MIA2: variants seen among roughly 807,000 people sequenced by gnomAD.
MIA2 encodes MIA SH3 domain ER export factor 2, also known as melanoma inhibitory activity protein 2.
In MIA2, 127 loss-of-function variants were observed where a neutral mutation model predicts 167.8. The ratio of observed to expected loss-of-function variants is 0.76; its 90% CI spans 0.66 to 0.88. The LOEUF is 0.88. MIA2 is among the 40% of genes least tolerant of loss of function. The pLI is 0.00. For synonymous variants in MIA2, 552 were observed against 541.9 expected, an observed-to-expected ratio of 1.02 and a Z score of -0.26; for missense variants, 1,690 against 1,624.7, an observed-to-expected ratio of 1.04 and a Z score of -0.69.
In MIA2 at chr14:39,293,362, A is replaced by G; in HGVS notation, c.2300A>G (p.His767Arg). The change falls in exon 11 of 29, where the codon CAT becomes CGT. Residue 767 changes from histidine (H) to arginine (R), a missense_variant. Transcript: ENST00000640607. ...EKELKEEKSK[H>R]SEQDELMADI... ...GAGTTAAAAGAAGAGAAATCCAAACATTCTGAACAAGATGAATTGGTAAGG... is the reference window on the plus strand; with the variant it reads ...GAGTTAAAAGAAGAGAAATCCAAACGTTCTGAACAAGATGAATTGGTAAGG... 1 of 1,593,022 alleles carries G rather than the reference A, an allele frequency of 6.3e-7. No individual in the cohort carries two copies. Among genetic ancestry groups the G allele is most frequent in the Non-Finnish European group, 8.6e-7 (1 of 1,163,418 alleles).
At chr14:39,320,001 A>G (rs1362493643) in intron 23 of MIA2, among the ~76,000 whole-genome samples, 1 of 152,148 alleles carries the variant, frequency 6.6e-6, no homozygotes, top group African/African-American at 2.4e-5. Flanking sequence ...TGAGAGTAAA[A>G]TTTCATTAAA....
chr14:39,305,927 C>G (rs976871839), intron 17 of MIA2, among the ~76,000 whole-genome samples: 1 of 117,112 alleles, frequency 8.5e-6, no homozygotes, highest in African/African-American at 3.0e-5. Flanking sequence ...CCAAGCGAGA[C>G]TTTGTCTCAA....
chr14:39,240,652 G>A lies in MIA2; in HGVS notation c.336+5G>A. Reference sequence around the variant, plus strand: ...GAAATTCAGATGTCAACGAAAGTGAGTAAACTCATTCTCAGTTGTTAATTG... The same window carrying A: ...GAAATTCAGATGTCAACGAAAGTGAATAAACTCATTCTCAGTTGTTAATTG... On this transcript the variant is annotated splice_donor_5th_base_variant and intron_variant, in intron 3 of 28. Transcript: ENST00000640607. The A allele has an allele frequency of 3.1e-6, 5 of 1,597,068 alleles. No individual in the cohort carries two copies. The highest frequency in any genetic ancestry group is 1.3e-5 in the African/African-American group (1 of 74,716).
At chr14:39,342,016 T>TA (rs201823663) in intron 25 of MIA2, among the ~76,000 whole-genome samples, 4 of 151,074 alleles carry the variant, frequency 2.6e-5, no homozygotes, top group African/African-American at 4.9e-5. Context: ...AATTGAGATT[T>TA]AAAAAAAAAA....
At chr14:39,386,665 C>A in intron 23 of MIA2, 1 of 1,107,148 alleles carries the variant, frequency 9.0e-7, no homozygotes, top group Non-Finnish European at 1.4e-6. Flanking sequence ...GGTTCCAGAT[C>A]AAAGACCTTC....
intron 25 of MIA2, among the ~76,000 whole-genome samples, chr14:39,342,922 G>A (rs1282409852): frequency 6.6e-6 from 1 of 152,060 alleles, no homozygotes; most frequent in Non-Finnish European, 1.5e-5. Flanking sequence ...TTCCATGTTA[G>A]TATATAGAGA....
intron 25 of MIA2, among the ~76,000 whole-genome samples, chr14:39,331,909 T>G (rs958607318): frequency 6.6e-6 from 1 of 152,222 alleles, no homozygotes; most frequent in Non-Finnish European, 1.5e-5. Flanking sequence ...TCAATGTTGC[T>G]GAATCTGACG....
rs565052015 is a variant in MIA2 at position 39,314,810 on chromosome 14, ATGTG to A, written c.3180+35_3180+38del. On this transcript the variant is annotated intron_variant, in intron 20 of 28. Transcript: ENST00000640607. The stretch of plus-strand genomic sequence containing the variant: ...TCTTATCAAGGGCAGGTATATATAT[ATGTG>A]TGTGTGTGTGTGTGTGTGTGTGTAT... 2.9e-5 allele frequency: 31 copies of A among 1,065,948 alleles called. No individual in the cohort carries two copies. Among genetic ancestry groups the A allele is most frequent in the African/African-American group, 1.5e-4 (9 of 59,076 alleles). 66.0% of individuals were successfully genotyped at this position (1,065,948 alleles called of 1,614,324 possible). A position where few individuals can be genotyped will look rare whatever the true frequency, so the allele number is the denominator to read the frequency against.
In MIA2 at chr14:39,280,421, G is replaced by A. The variant is rs186723729; in HGVS notation, c.2130+884G>A. ...GTAAGTCATTAGGGCATTAGGGCAG[G>A]TATAGTTTAACTGTGTAAGATAAGA... On this transcript the variant is annotated intron_variant, in intron 9 of 28. Coordinates refer to ENST00000640607, the MANE Select transcript of MIA2 (RefSeq NM_001329214.4). Among the ~76,000 whole-genome samples, 8 of 151,988 alleles carry A rather than the reference G, an allele frequency of 5.3e-5. No homozygotes were observed. The East Asian group carries it at 1.5e-3, about 29-fold the overall frequency.
rs549018981 is a variant in MIA2, at chr14:39,261,016, T to G, written c.1887+7845T>G. Among the ~76,000 whole-genome samples the G allele has an allele frequency of 1.0e-3, 154 of 152,232 alleles. 1 individual carries two copies. Among genetic ancestry groups the G allele is most frequent in the Admixed American group, 5.2e-3 (79 of 15,284 alleles). The stretch of plus-strand genomic sequence containing the variant: ...TTCTTTTTTTAAATTATACTTTAAG[T>G]TCTGGGGTACATGTGCACAACATGC... On this transcript the variant is annotated intron_variant, in intron 6 of 28. Coordinates refer to ENST00000640607, the MANE Select transcript of MIA2 (RefSeq NM_001329214.4).
At chr14:39,353,332 A>G (rs947018746), downstream of MIA2, among the ~76,000 whole-genome samples, 8 of 152,144 alleles carry the variant, frequency 5.3e-5, no homozygotes, top group African/African-American at 1.4e-4. Flanking sequence ...ACCTCTCTTC[A>G]TGTTCCCCTC....
intron 23 of MIA2, among the ~76,000 whole-genome samples, chr14:39,366,608 G>T (rs1273756063): frequency 1.3e-5 from 2 of 152,170 alleles, no homozygotes; most frequent in Non-Finnish European, 2.9e-5. Context: ...GGATGGGTTG[G>T]GCTGATCCCC....
chr14:39,254,383 T>C (rs2054722580), intron 6 of MIA2, among the ~76,000 whole-genome samples: 1 of 152,194 alleles, frequency 6.6e-6, no homozygotes, highest in South Asian at 2.1e-4. Flanking sequence ...TGGGGCACTA[T>C]TGAATTTTAA....
intron 10 of MIA2, among the ~76,000 whole-genome samples, chr14:39,292,332 A>G (rs2060843935): frequency 6.6e-6 from 1 of 152,226 alleles, no homozygotes; most frequent in Admixed American, 6.5e-5. Context: ...ATGAATTATT[A>G]TAGGAGTAAA....
At chr14:39,342,023 A>T (rs2071998240) in intron 25 of MIA2, among the ~76,000 whole-genome samples, 1 of 152,176 alleles carries the variant, frequency 6.6e-6, no homozygotes, top group African/African-American at 2.4e-5. Flanking sequence ...ATTTAAAAAA[A>T]AAATTTTATT....
At chr14:39,328,494 CT>C (rs1380770542) in intron 25 of MIA2, among the ~76,000 whole-genome samples, 1 of 152,062 alleles carries the variant, frequency 6.6e-6, no homozygotes, top group African/African-American at 2.4e-5. Context: ...TCAATTTTGG[CT>C]TTTGTTGCCA....
In MIA2 at chr14:39,361,241, T is replaced by C. The variant is rs544789867; in HGVS notation, c.2248+12264T>C. On this transcript the variant is annotated intron_variant, in intron 23 of 23. Transcript: ENST00000341502. ...AATTTATAGATTGCTTTAGGTAATATGGACTTTTTAACAATATTATTCCAA... is the reference window on the plus strand; with the variant it reads ...AATTTATAGATTGCTTTAGGTAATACGGACTTTTTAACAATATTATTCCAA... Among the ~76,000 whole-genome samples the C allele has an allele frequency of 2.6e-5, 4 of 152,330 alleles. No individual in the cohort carries two copies. In the East Asian group the frequency reaches 5.8e-4, roughly 22 times the overall value.
At chr14:39,329,078 T>C (rs947859098) in intron 25 of MIA2, among the ~76,000 whole-genome samples, 1 of 152,254 alleles carries the variant, frequency 6.6e-6, no homozygotes, top group Non-Finnish European at 1.5e-5. Flanking sequence ...TTTCACGATA[T>C]TGATTCTTCA....
intron 9 of MIA2, among the ~76,000 whole-genome samples, chr14:39,283,539 G>A (rs1453166371): frequency 1.3e-5 from 2 of 152,072 alleles, no homozygotes; most frequent in African/African-American, 2.4e-5. Flanking sequence ...TCTAGAAAAA[G>A]GGTTCCCTTT....
Sources: gnomAD v4.1 joint callset for allele counts (sites outside exome capture counted in the v4.1 genomes callset) on GRCh38, gnomAD v4.1.1 for gene constraint, MANE v1.5 for transcripts, NCBI Gene and HGNC (gene_info 2026-07-23, HGNC 2026-07-21) for gene names.